ZNF385D: variants seen among roughly 807,000 people sequenced by gnomAD.
The protein encoded by ZNF385D is zinc finger protein 659.
Under a neutral mutation model 35.8 loss-of-function variants are expected in ZNF385D, and 15 were observed. The ratio of observed to expected loss-of-function variants is 0.42; its 90% confidence interval spans 0.28 to 0.64. ZNF385D has a LOEUF of 0.64. Among genes scored for constraint, ZNF385D ranks in the 30% least tolerant of loss-of-function variants. ZNF385D has a pLI of 0.23. For synonymous variants in ZNF385D, 212 were observed against 186.8 expected, an observed-to-expected ratio of 1.13 and a Z score of -1.10; for missense variants, 474 against 494.6, an observed-to-expected ratio of 0.96 and a Z score of 0.39.
intron 3 of ZNF385D, among the ~76,000 whole-genome samples, chr3:22,151,080 C>T (rs1705199421): frequency 6.6e-6 from 1 of 152,116 alleles, no homozygotes; most frequent in Non-Finnish European, 1.5e-5. Flanking sequence ...TCAACATGAA[C>T]ATGATTTGTC....
intron 3 of ZNF385D, among the ~76,000 whole-genome samples, chr3:21,920,406 T>C (rs1044444414): frequency 3.9e-5 from 6 of 152,190 alleles, no homozygotes; most frequent in African/African-American, 1.4e-4. Context: ...ATTTTGAATA[T>C]GTTACATTTT....
At chr3:21,453,759 G>A (rs943725841) in intron 4 of ZNF385D, among the ~76,000 whole-genome samples, 1 of 151,952 alleles carries the variant, frequency 6.6e-6, no homozygotes, top group Non-Finnish European at 1.5e-5. Flanking sequence ...TATGTTACTG[G>A]TGGTAATATA....
At chr3:21,978,684 T>C (rs988581176) in intron 3 of ZNF385D, among the ~76,000 whole-genome samples, 1 of 152,200 alleles carries the variant, frequency 6.6e-6, no homozygotes, top group Non-Finnish European at 1.5e-5. Context: ...TATGTCTATG[T>C]CTCTAGATAG....
rs1553589980 is a variant in ZNF385D, at chr3:21,464,743, A to AACACACAAACACACACACAC, written c.440-27541_440-27540insGTGTGTGTGTGTTTGTGTGT. ...TTACAGCTGCCAAAAAATAAATTAA[A>AACACACAAACACACACACAC]ACACACACACACACACTTATGCAAC... On this transcript the variant is annotated intron_variant, in intron 4 of 7. Transcript: ENST00000281523. Among the ~76,000 whole-genome samples, 746 of 150,274 alleles carry AACACACAAACACACACACAC rather than the reference A, an allele frequency of 5.0e-3. 8 individuals carry two copies. The highest frequency in any genetic ancestry group is 0.016 in the African/African-American group (633 of 40,582).
chr3:22,044,137 A>T (rs575876661), intron 3 of ZNF385D, among the ~76,000 whole-genome samples: 93 of 150,816 alleles, frequency 6.2e-4, no homozygotes, highest in African/African-American at 2.2e-3. Flanking sequence ...TTTGGTGGGT[A>T]TGCTGTGATT....
At chr3:21,872,431 T>C (rs1358714012) in intron 3 of ZNF385D, among the ~76,000 whole-genome samples, 4 of 152,168 alleles carry the variant, frequency 2.6e-5, no homozygotes, top group Non-Finnish European at 5.9e-5. Flanking sequence ...AATGAAAATC[T>C]ATTGAATTGA....
intron 2 of ZNF385D, among the ~76,000 whole-genome samples, chr3:22,335,488 A>T (rs964782367): frequency 6.6e-6 from 1 of 152,130 alleles, no homozygotes; most frequent in Non-Finnish European, 1.5e-5. Context: ...CTAAAGCCTC[A>T]CTTCTTTAAA....
chr3:21,572,148 A>G (rs2063353824), intron 2 of ZNF385D, among the ~76,000 whole-genome samples: 1 of 152,116 alleles, frequency 6.6e-6, no homozygotes, highest in Non-Finnish European at 1.5e-5. Context: ...ATTAATATAA[A>G]CCCAGATGTA....
At chr3:21,658,355 C>T (rs1387159567) in intron 2 of ZNF385D, among the ~76,000 whole-genome samples, 1 of 151,940 alleles carries the variant, frequency 6.6e-6, no homozygotes, top group Non-Finnish European at 1.5e-5. Flanking sequence ...GGAGATGACT[C>T]GAGTCTATGC....
chr3:21,847,867 C>T (rs74855787), intron 3 of ZNF385D, among the ~76,000 whole-genome samples: 5,830 of 152,024 alleles, frequency 0.038, 388 homozygotes, highest in African/African-American at 0.13. Flanking sequence ...CACACTTTCA[C>T]AATGTTTCAG....
intron 3 of ZNF385D, among the ~76,000 whole-genome samples, chr3:22,082,613 T>C (rs1274999236): frequency 6.6e-6 from 1 of 152,100 alleles, no homozygotes; most frequent in Non-Finnish European, 1.5e-5. Context: ...AGACTCCACC[T>C]CTAGGGGCAG....
At chr3:22,325,888 AAAG>A (rs1447229170) in intron 2 of ZNF385D, among the ~76,000 whole-genome samples, 10 of 152,236 alleles carry the variant, frequency 6.6e-5, no homozygotes, top group Admixed American at 5.9e-4. Context: ...AAGAGGTGGC[AAAG>A]AAGAATTTAG....
At chr3:22,008,035 C>T (rs1696328226) in intron 3 of ZNF385D, among the ~76,000 whole-genome samples, 1 of 151,936 alleles carries the variant, frequency 6.6e-6, no homozygotes, top group Admixed American at 6.6e-5. Context: ...ATCTCTGATG[C>T]ATGTGAACTT....
chr3:22,091,352 T>C (rs1559361780), intron 3 of ZNF385D, among the ~76,000 whole-genome samples: 2 of 152,162 alleles, frequency 1.3e-5, no homozygotes, highest in Non-Finnish European at 2.9e-5. Flanking sequence ...TGTAGGGGAT[T>C]CTGCCATTGG....
At chr3:21,563,584 G>A (rs1050163156) in intron 3 of ZNF385D, among the ~76,000 whole-genome samples, 7 of 151,984 alleles carry the variant, frequency 4.6e-5, no homozygotes, top group African/African-American at 1.7e-4. Context: ...TCCTATCTTC[G>A]TCACCAGAGC....
At chr3:22,251,821 G>A (rs1700078495) in intron 2 of ZNF385D, among the ~76,000 whole-genome samples, 1 of 151,982 alleles carries the variant, frequency 6.6e-6, no homozygotes, top group Non-Finnish European at 1.5e-5. Flanking sequence ...CTAATTTTAG[G>A]TTCACTTCAG....
chr3:22,334,871 G>T (rs1379792124), intron 2 of ZNF385D, among the ~76,000 whole-genome samples: 1 of 152,022 alleles, frequency 6.6e-6, no homozygotes, highest in African/African-American at 2.4e-5. Flanking sequence ...CTAATTTCCT[G>T]CTGATTTCTT....
At chr3:21,981,372 T>C (rs1038700991) in intron 3 of ZNF385D, among the ~76,000 whole-genome samples, 2 of 152,170 alleles carry the variant, frequency 1.3e-5, no homozygotes, top group Admixed American at 6.6e-5. Flanking sequence ...TGTCTTCTTT[T>C]GAGAAGTGTC....
intron 3 of ZNF385D, among the ~76,000 whole-genome samples, chr3:21,883,145 T>C (rs1473255056): frequency 1.3e-5 from 2 of 151,988 alleles, no homozygotes; most frequent in Non-Finnish European, 2.9e-5. Flanking sequence ...AAGACTATTA[T>C]CTATTTTGTT....
Sources: allele counts gnomAD v4.1 joint callset (sites outside exome capture counted in the v4.1 genomes callset), GRCh38; gene constraint gnomAD v4.1.1; transcripts MANE v1.5; gene names NCBI Gene and HGNC (gene_info 2026-07-23, HGNC 2026-07-21).